The following ASPH variants were observed in gnomAD, a reference collection of about 807,000 sequenced individuals.
ASPH encodes the protein aspartyl/asparaginyl beta-hydroxylase.
In ASPH, 100 loss-of-function variants were observed where a neutral mutation model predicts 118.4. The observed-to-expected ratio is 0.84, with a 90% CI of 0.72 to 1.00. The LOEUF (loss-of-function observed/expected upper bound fraction) is 1.00, where lower values mean the gene tolerates loss of function less well. ASPH is among the 50% of genes least tolerant of loss of function. ASPH has a pLI of 0.00. For missense variants in ASPH, 920 were observed against 919.5 expected (o/e 1.00, Z -0.01); for synonymous variants, 315 against 325.6 (o/e 0.97, Z 0.35).
At chr8:61,691,881 C>T (rs1053401537) in intron 1 of ASPH, among the ~76,000 whole-genome samples, 1 of 152,142 alleles carries the variant, frequency 6.6e-6, no homozygotes, top group Non-Finnish European at 1.5e-5. Flanking sequence ...TTTCATAATC[C>T]CATCTGCCCC....
chr8:61,630,038 C>A (rs754648500), intron 13 of ASPH, among the ~76,000 whole-genome samples: 14 of 152,120 alleles, frequency 9.2e-5, no homozygotes, highest in Non-Finnish European at 1.8e-4. Flanking sequence ...CTTAGCAGAG[C>A]GCCTACATAA....
intron 1 of ASPH, among the ~76,000 whole-genome samples, chr8:61,700,469 C>T (rs1029470876): frequency 5.9e-5 from 9 of 152,216 alleles, no homozygotes; most frequent in African/African-American, 2.2e-4. Context: ...AGATCCTCTG[C>T]TACCAAGAGC....
At chr8:61,663,270 A>G in intron 3 of ASPH, 1 of 985,270 alleles carries the variant, frequency 1.0e-6, no homozygotes, top group Non-Finnish European at 1.2e-6. Flanking sequence ...TCCCATTCCA[A>G]AGCTTTGTGC....
intron 1 of ASPH, among the ~76,000 whole-genome samples, chr8:61,706,404 C>CAAAAAAAAAAAAAAAAAAAAAAAAA (rs55731088): frequency 1.4e-5 from 1 of 70,560 alleles, no homozygotes; most frequent in Non-Finnish European, 2.5e-5. Context: ...GGTCATGACT[C>CAAAAAAAAAAAAAAAAAAAAAAAAA]AAAAAAAAAA....
At chr8:61,507,163 T>C (rs1806933006) in intron 24 of ASPH, among the ~76,000 whole-genome samples, 1 of 152,208 alleles carries the variant, frequency 6.6e-6, no homozygotes, top group African/African-American at 2.4e-5. Flanking sequence ...GGAAAAGTTA[T>C]TAGCACCGGA....
At chr8:61,686,241 T>C (rs1830466922) in intron 1 of ASPH, among the ~76,000 whole-genome samples, 1 of 152,184 alleles carries the variant, frequency 6.6e-6, no homozygotes, top group Non-Finnish European at 1.5e-5. Context: ...ATAAAAATAC[T>C]TGCTGGGCAT....
intron 14 of ASPH, among the ~76,000 whole-genome samples, chr8:61,604,166 AGC>A (rs1188117250): frequency 1.3e-5 from 2 of 152,182 alleles, no homozygotes; most frequent in Admixed American, 1.3e-4. Flanking sequence ...TCAATGAGTG[AGC>A]ATATGAATCC....
chr8:61,588,019 A>G (rs1030764469), intron 14 of ASPH, among the ~76,000 whole-genome samples: 2 of 152,200 alleles, frequency 1.3e-5, no homozygotes, highest in African/African-American at 4.8e-5. Context: ...TGAACTCAAA[A>G]GTCCTGTGCT....
chr8:61,697,224 T>C (rs1264908585), intron 1 of ASPH, among the ~76,000 whole-genome samples: 1 of 152,180 alleles, frequency 6.6e-6, no homozygotes, highest in Non-Finnish European at 1.5e-5. Flanking sequence ...GTTGATACAA[T>C]TATGAATTAT....
intron 1 of ASPH, among the ~76,000 whole-genome samples, chr8:61,700,263 A>C (rs1461516040): frequency 6.6e-6 from 1 of 152,202 alleles, no homozygotes. Flanking sequence ...GAGGAGACTG[A>C]GAGGGGCCTC....
chr8:61,578,754 T>C (rs1836268977), intron 15 of ASPH: 2 of 1,597,338 alleles, frequency 1.3e-6, no homozygotes, highest in Non-Finnish European at 1.7e-6. Context: ...CAAGAACAAG[T>C]ATGAGGATGA....
chr8:61,678,462 C>A (rs796215684), intron 3 of ASPH, among the ~76,000 whole-genome samples: 2 of 151,918 alleles, frequency 1.3e-5, no homozygotes, highest in African/African-American at 4.8e-5. Flanking sequence ...ATCAGAAGGG[C>A]CTTGGCCAGA....
Position 61,567,163 on chromosome 8 carries a change from C to T in ASPH, c.1300+5G>A. The T allele has an allele frequency of 3.1e-6, 5 of 1,613,320 alleles. No individual in the cohort carries two copies. Among genetic ancestry groups the T allele is most frequent in the Non-Finnish European group, 3.4e-6 (4 of 1,179,642 alleles). ...CCTACTGAATTACCTTTGATTGCAT[C>T]TTACCTAGAAATTGTTGCCTGTCTG... On this transcript the variant is annotated splice_donor_5th_base_variant and intron_variant, in intron 17 of 24. Transcript: ENST00000379454.
intron 14 of ASPH, among the ~76,000 whole-genome samples, chr8:61,612,710 T>G (rs576617184): frequency 6.6e-6 from 1 of 152,188 alleles, no homozygotes; most frequent in African/African-American, 2.4e-5. Context: ...TGGGACATTT[T>G]CAAGCAATCC....
At position 61,577,978 on chromosome 8, in the gene ASPH, C is replaced by G. The variant is rs57337427; in HGVS notation, c.1063-1120G>C. Among the ~76,000 whole-genome samples the G allele has an allele frequency of 7.9e-3, 1,196 of 152,328 alleles. 17 individuals are homozygous for G. The highest frequency in any genetic ancestry group is 0.026 in the African/African-American group (1,101 of 41,560). On this transcript the variant is annotated intron_variant, in intron 15 of 24. Coordinates refer to ENST00000379454, the MANE Select transcript of ASPH (RefSeq NM_004318.4). ...TTACAACAGTCCCACAAAAGTTTAA[C>G]TCATTCCAGCATAAACCCAAAGTCA...
At chr8:61,653,702 G>T in intron 3 of ASPH, 42 bp from the exon 4 acceptor site, 1 of 1,583,728 alleles carries the variant, frequency 6.3e-7, no homozygotes, top group Non-Finnish European at 8.6e-7. Flanking sequence ...GTTTTTGTGG[G>T]GTTTTCTGTC....
chr8:61,536,457 C>T (rs1819638086), intron 21 of ASPH, among the ~76,000 whole-genome samples: 1 of 152,180 alleles, frequency 6.6e-6, no homozygotes, highest in African/African-American at 2.4e-5. Flanking sequence ...TTTTGGCAGA[C>T]ACTCTAAAGG....
chr8:61,690,912 A>AGT (rs146322501), intron 1 of ASPH, among the ~76,000 whole-genome samples: 54 of 151,236 alleles, frequency 3.6e-4, no homozygotes, highest in South Asian at 1.9e-3. Flanking sequence ...TCCGTCTGAG[A>AGT]GTGTGTGTGT....
At position 61,502,741 on chromosome 8, in the gene ASPH, T is replaced by C. The variant is rs1295177728; in HGVS notation, c.*618A>G. 6.6e-6 allele frequency: 1 copy of C among 152,214 alleles called. No individual in the cohort carries two copies. The allele number at this position is 152,214 out of a possible 1,614,324, so 9.4% of individuals were successfully genotyped here. On this transcript the variant is annotated 3_prime_UTR_variant, in exon 25 of 25. Coordinates refer to ENST00000379454, the MANE Select transcript of ASPH (RefSeq NM_004318.4). ...AAACCAAACGATTTGAGAGTTGGGA[T>C]GGGTACAGTTCATAGACACTGACAT...
Sources: allele counts gnomAD v4.1 joint callset (sites outside exome capture counted in the v4.1 genomes callset), GRCh38; gene constraint gnomAD v4.1.1; transcripts MANE v1.5; gene names NCBI Gene and HGNC (gene_info 2026-07-23, HGNC 2026-07-21).